The following RAB11FIP4 variants were observed in gnomAD, a reference collection of about 807,000 sequenced individuals.
RAB11FIP4 encodes RAB11 family interacting protein 4, also known as rab11 family-interacting protein 4.
RAB11FIP4 carries 23 observed loss-of-function variants against 74.3 expected under a neutral mutation model. That is an observed-to-expected ratio of 0.31 (90% CI 0.22 to 0.44). The LOEUF (loss-of-function observed/expected upper bound fraction) is 0.44, where lower values mean the gene tolerates loss of function less well. Ranked by LOEUF, RAB11FIP4 falls within the 20% of genes least tolerant of loss-of-function variation. The pLI is 1.00. For missense variants in RAB11FIP4, 630 were observed against 863.9 expected (o/e 0.73, Z 3.39); for synonymous variants, 360 against 359.9 (o/e 1.00, Z 0.00).
At position 31,534,421 on chromosome 17, in the gene RAB11FIP4, C is replaced by T. The variant is rs2072924904; in HGVS notation, c.*2689C>T. 6.6e-6 allele frequency: 1 copy of T among 152,152 alleles called. No individual in the cohort carries two copies. The highest frequency in any genetic ancestry group is 2.4e-5 in the African/African-American group (1 of 41,416). 9.4% of individuals were successfully genotyped at this position (152,152 alleles called of 1,614,324 possible). A position where few individuals can be genotyped will look rare whatever the true frequency, so the allele number is the denominator to read the frequency against. On this transcript the variant is annotated 3_prime_UTR_variant, in exon 15 of 15. Transcript: ENST00000621161. Reference sequence around the variant, plus strand: ...TAGCTGGGACTACAGGCATGCACCACCACGCCCAGCTAATTTTTCTTATTT... The same window carrying T: ...TAGCTGGGACTACAGGCATGCACCATCACGCCCAGCTAATTTTTCTTATTT...
rs768748354 is a variant in RAB11FIP4 at position 31,522,410 on chromosome 17, G to T, written c.929+15G>T. 9.9e-6 allele frequency: 16 copies of T among 1,612,724 alleles called. No individual in the cohort carries two copies. The highest frequency in any genetic ancestry group is 1.3e-5 in the Non-Finnish European group (15 of 1,179,362). On this transcript the variant is annotated intron_variant, in intron 7 of 14. Coordinates refer to ENST00000621161, the MANE Select transcript of RAB11FIP4 (RefSeq NM_032932.6). ...GCCTTTGGACGGTAAGGCCCGCCTC[G>T]AGGGAGGGCAAATTGAGTGCTGTCC...
intron 4 of RAB11FIP4, among the ~76,000 whole-genome samples, chr17:31,520,094 CAAAAAA>C (rs10612669): frequency 1.1e-5 from 1 of 91,776 alleles, no homozygotes; most frequent in Admixed American, 1.1e-4. Flanking sequence ...ACTCTGTCTC[CAAAAAA>C]AAAAAAAAAA....
chr17:31,437,686 C>A (rs1399011213), intron 3 of RAB11FIP4, among the ~76,000 whole-genome samples: 2 of 152,216 alleles, frequency 1.3e-5, no homozygotes, highest in Non-Finnish European at 1.5e-5. Context: ...TCTGACTTAA[C>A]CACTGGATGT....
chr17:31,472,352 C>T (rs1380416484), intron 3 of RAB11FIP4, among the ~76,000 whole-genome samples: 5 of 152,112 alleles, frequency 3.3e-5, no homozygotes, highest in South Asian at 4.1e-4. Context: ...CCCTGGGGGT[C>T]GGGGCCAGCC....
chr17:31,413,564 T>G (rs1227985138), intron 1 of RAB11FIP4, among the ~76,000 whole-genome samples: 1 of 146,276 alleles, frequency 6.8e-6, no homozygotes, highest in Non-Finnish European at 1.5e-5. Context: ...TTGGCTACCC[T>G]CTCCCTCCTC....
At chr17:31,433,636 G>C (rs565555862) in intron 2 of RAB11FIP4, among the ~76,000 whole-genome samples, 24 of 152,342 alleles carry the variant, frequency 1.6e-4, no homozygotes, top group African/African-American at 5.8e-4. Context: ...AGGGTCTGCA[G>C]GACACGGGGG....
chr17:31,473,425 C>G (rs905232292), intron 3 of RAB11FIP4, among the ~76,000 whole-genome samples: 2 of 151,412 alleles, frequency 1.3e-5, no homozygotes, highest in African/African-American at 4.9e-5. Flanking sequence ...TTCCTGTAGT[C>G]CTAGCTACTC....
intron 1 of RAB11FIP4, among the ~76,000 whole-genome samples, chr17:31,404,843 T>C (rs756556795): frequency 9.2e-5 from 14 of 152,076 alleles, no homozygotes; most frequent in Non-Finnish European, 1.6e-4. Flanking sequence ...AAAGCCTTTC[T>C]GGAGTGGGAC....
At chr17:31,502,503 C>A (rs2072241607) in intron 3 of RAB11FIP4, among the ~76,000 whole-genome samples, 2 of 152,142 alleles carry the variant, frequency 1.3e-5, no homozygotes, top group South Asian at 4.1e-4. Flanking sequence ...TGCTTGAACC[C>A]AAGAGACAGA....
At chr17:31,488,876 G>A (rs936385999) in intron 3 of RAB11FIP4, among the ~76,000 whole-genome samples, 7 of 152,184 alleles carry the variant, frequency 4.6e-5, no homozygotes, top group African/African-American at 1.7e-4. Flanking sequence ...TTCTCTGTGC[G>A]GGCGACAAGT....
rs1040761679 is a variant in RAB11FIP4 at position 31,504,193 on chromosome 17, C to T, written c.337-13458C>T. Among the ~76,000 whole-genome samples the T allele has an allele frequency of 2.6e-4, 38 of 146,498 alleles. 7 individuals carry two copies. The highest frequency in any genetic ancestry group is 1.0e-3 in the African/African-American group (38 of 36,708). On this transcript the variant is annotated intron_variant, in intron 3 of 14. Transcript: ENST00000621161. ...TCACCCAGGCTGGAGTGCAGTGGCG[C>T]GACCTCGGCTCACTGCAAGCTCTGC...
At chr17:31,393,094 C>T (rs565048297) in intron 1 of RAB11FIP4, among the ~76,000 whole-genome samples, 2 of 152,352 alleles carry the variant, frequency 1.3e-5, no homozygotes, top group East Asian at 3.9e-4. Flanking sequence ...AATCATCTCT[C>T]CACCCGCACC....
At chr17:31,396,706 G>A (rs960839099) in intron 1 of RAB11FIP4, among the ~76,000 whole-genome samples, 3 of 152,190 alleles carry the variant, frequency 2.0e-5, no homozygotes, top group Non-Finnish European at 2.9e-5. Flanking sequence ...AGTCAGAATG[G>A]TAGACATTGA....
intron 10 of RAB11FIP4, chr17:31,525,603 G>A: frequency 4.4e-6 from 1 of 229,388 alleles, no homozygotes; most frequent in Non-Finnish European, 8.6e-6. Flanking sequence ...TGGAAAACCC[G>A]GCTCCTGTGC....
chr17:31,476,172 CTTTTTTTTTTTTT>C (rs71369069), intron 3 of RAB11FIP4, among the ~76,000 whole-genome samples: 12 of 63,570 alleles, frequency 1.9e-4, no homozygotes, highest in African/African-American at 5.9e-4. Context: ...ATCGACTGAA[CTTTTTTTTTTTTT>C]TTTTTTTTTT....
At position 31,511,209 on chromosome 17, in the gene RAB11FIP4, G is replaced by A. The variant is rs527448427; in HGVS notation, c.337-6442G>A. Among the ~76,000 whole-genome samples the A allele has an allele frequency of 3.9e-5, 6 of 152,274 alleles. No homozygotes were observed. In the South Asian group the frequency reaches 1.2e-3, roughly 32 times the overall value. On this transcript the variant is annotated intron_variant, in intron 3 of 14. Coordinates refer to ENST00000621161, the MANE Select transcript of RAB11FIP4 (RefSeq NM_032932.6). Reference sequence around the variant, plus strand: ...GCAGAGCTCATGAATGGTGAATGGTGGAGCAGGGCTCTGGCCTGGCCGTCT... The same window carrying A: ...GCAGAGCTCATGAATGGTGAATGGTAGAGCAGGGCTCTGGCCTGGCCGTCT...
At chr17:31,429,828 C>CAAAAAAA (rs751342010) in intron 1 of RAB11FIP4, among the ~76,000 whole-genome samples, 4 of 80,306 alleles carry the variant, frequency 5.0e-5, no homozygotes, top group Non-Finnish European at 7.2e-5. Flanking sequence ...GATTCCATCT[C>CAAAAAAA]AAAAAAAAAA....
chr17:31,407,040 ATTTTTTTTTTTTT>A lies in RAB11FIP4; in HGVS notation c.159+15046_159+15058del, dbSNP rs59919036. On this transcript the variant is annotated intron_variant, in intron 1 of 14. Transcript: ENST00000621161. ...CACATTTGTTTTTTTGTTTCACTTG[ATTTTTTTTTTTTT>A]TTTTTTTTTTTTTTTTGAGACAAGG... Among the ~76,000 whole-genome samples the A allele has an allele frequency of 7.3e-3, 376 of 51,246 alleles. 5 individuals carry two copies. The highest frequency in any genetic ancestry group is 0.026 in the East Asian group (44 of 1,722). 33.6% of individuals were successfully genotyped at this position (51,246 alleles called of 152,430 possible).
intron 1 of RAB11FIP4, among the ~76,000 whole-genome samples, chr17:31,428,739 T>C (rs2071277693): frequency 6.6e-6 from 1 of 152,140 alleles, no homozygotes; most frequent in Non-Finnish European, 1.5e-5. Context: ...GTATGGGTGC[T>C]GTGGGAGGGC....
Sources: gnomAD v4.1 joint callset for allele counts (sites outside exome capture counted in the v4.1 genomes callset) on GRCh38, gnomAD v4.1.1 for gene constraint, MANE v1.5 for transcripts, NCBI Gene and HGNC (gene_info 2026-07-23, HGNC 2026-07-21) for gene names.